The following NKAIN2 variants were observed in gnomAD, a reference collection of about 807,000 sequenced individuals.
NKAIN2 encodes sodium/potassium transporting ATPase interacting 2.
Under a neutral mutation model 32.6 loss-of-function variants are expected in NKAIN2, and 14 were observed. The ratio of observed to expected loss-of-function variants is 0.43; its 90% CI spans 0.28 to 0.67. The LOEUF is 0.67. Ranked by LOEUF, NKAIN2 falls within the 30% of genes least tolerant of loss-of-function variation. The pLI, the probability that NKAIN2 is intolerant of heterozygous loss-of-function variation, is 0.17. For missense variants in NKAIN2, 198 were observed against 258.3 expected, an observed-to-expected ratio of 0.77 and a Z score of 1.60; for synonymous variants, 80 against 87.2, an observed-to-expected ratio of 0.92 and a Z score of 0.46.
intron 1 of NKAIN2, among the ~76,000 whole-genome samples, chr6:123,807,478 CA>C (rs1773267277): frequency 6.6e-6 from 1 of 152,066 alleles, no homozygotes; most frequent in African/African-American, 2.4e-5. Context: ...ATCATCACTG[CA>C]TTTGCAATGG....
intron 3 of NKAIN2, among the ~76,000 whole-genome samples, chr6:124,573,833 C>T (rs1020547091): frequency 3.3e-5 from 5 of 152,102 alleles, no homozygotes; most frequent in African/African-American, 1.2e-4. Context: ...CACTCAAATC[C>T]TCTGAGAGTG....
chr6:123,887,298 A>G (rs925046534), intron 1 of NKAIN2, among the ~76,000 whole-genome samples: 12 of 152,114 alleles, frequency 7.9e-5, no homozygotes, highest in African/African-American at 2.7e-4. Flanking sequence ...CTACACTCAG[A>G]TATGACATGC....
intron 4 of NKAIN2, among the ~76,000 whole-genome samples, chr6:124,666,574 A>G (rs1772807297): frequency 6.6e-6 from 1 of 152,206 alleles, no homozygotes; most frequent in South Asian, 2.1e-4. Flanking sequence ...GGAGTGTAAC[A>G]CCTTGATTGT....
At chr6:124,134,119 G>T (rs1237211257) in intron 1 of NKAIN2, among the ~76,000 whole-genome samples, 1 of 95,618 alleles carries the variant, frequency 1.0e-5, no homozygotes, top group African/African-American at 3.5e-5. Context: ...CCAACTAAAA[G>T]AAATTAAAAA....
At chr6:123,939,824 C>A (rs901196630) in intron 1 of NKAIN2, among the ~76,000 whole-genome samples, 1 of 151,790 alleles carries the variant, frequency 6.6e-6, no homozygotes, top group African/African-American at 2.4e-5. Context: ...CCAGTTATTG[C>A]AAGTGTGTGT....
At position 124,824,275 on chromosome 6, in the gene NKAIN2, T is replaced by C. The variant is rs564838931; in HGVS notation, c.*1046T>C. 4.6e-5 allele frequency: 7 copies of C among 152,776 alleles called. No individual in the cohort carries two copies. Among genetic ancestry groups the C allele is most frequent in the African/African-American group, 1.4e-4 (6 of 41,586 alleles). 9.5% of individuals were successfully genotyped at this position (152,776 alleles called of 1,614,324 possible). A position where few individuals can be genotyped will look rare whatever the true frequency, so the allele number is the denominator to read the frequency against. ...CAACTGAATATGTATTAGCTATGTT[T>C]ACTCTTTTATATCTAATTCAAATTG... On this transcript the variant is annotated 3_prime_UTR_variant, in exon 7 of 7. Transcript: ENST00000368417.
At chr6:124,292,390 T>A (rs1795854765) in intron 2 of NKAIN2, among the ~76,000 whole-genome samples, 1 of 152,196 alleles carries the variant, frequency 6.6e-6, no homozygotes, top group Non-Finnish European at 1.5e-5. Context: ...TTGTTGCTAA[T>A]GTTTTATTAC....
intron 1 of NKAIN2, among the ~76,000 whole-genome samples, chr6:123,839,671 C>G (rs544388381): frequency 5.9e-5 from 9 of 152,242 alleles, no homozygotes; most frequent in Non-Finnish European, 1.3e-4. Context: ...TTGAGGTTAG[C>G]TAGTAGCATA....
At chr6:124,815,027 A>G (rs1466710817) in intron 5 of NKAIN2, among the ~76,000 whole-genome samples, 1 of 151,688 alleles carries the variant, frequency 6.6e-6, no homozygotes, top group African/African-American at 2.4e-5. Flanking sequence ...ATCTTGATCT[A>G]TTGTAACCCA....
Position 123,966,609 on chromosome 6 carries a change from G to A in NKAIN2, c.54+162355G>A, listed in dbSNP as rs111322328. 1.3e-3 allele frequency among the ~76,000 whole-genome samples: 203 copies of A among 152,232 alleles called. 1 individual carries two copies. The highest frequency in any genetic ancestry group is 4.7e-3 in the African/African-American group (194 of 41,558). ...TTTCCAAGGAAAAGAGCTTACAAAT[G>A]GATTTTGTTAAGAAGTGGTAGGAAA... On this transcript the variant is annotated intron_variant, in intron 1 of 6. Coordinates refer to ENST00000368417, the MANE Select transcript of NKAIN2 (RefSeq NM_001040214.3).
intron 2 of NKAIN2, among the ~76,000 whole-genome samples, chr6:124,333,477 T>C (rs1184722898): frequency 1.3e-5 from 2 of 151,920 alleles, no homozygotes; most frequent in Non-Finnish European, 2.9e-5. Context: ...CTGGCCAACA[T>C]GATGAAAACC....
intron 3 of NKAIN2, among the ~76,000 whole-genome samples, chr6:124,450,442 A>T (rs1441327487): frequency 6.6e-6 from 1 of 151,946 alleles, no homozygotes; most frequent in Non-Finnish European, 1.5e-5. Context: ...TTGATATTCA[A>T]GTATTTATAA....
In NKAIN2 at chr6:123,811,841, A is replaced by G. The variant is rs181090996; in HGVS notation, c.54+7587A>G. On this transcript the variant is annotated intron_variant, in intron 1 of 6. Transcript: ENST00000368417. ...CCACCCATAAATTTTGTGAGGCTTT[A>G]TAAATAATTAAAACACTAGGTACAG... is the stretch of plus-strand genomic sequence containing the variant. 7.9e-3 allele frequency among the ~76,000 whole-genome samples: 1,196 copies of G among 152,228 alleles called. 35 individuals carry two copies. Among genetic ancestry groups the G allele is most frequent in the Non-Finnish European group, 4.1e-3 (276 of 68,018 alleles).
intron 1 of NKAIN2, among the ~76,000 whole-genome samples, chr6:124,109,473 T>G (rs1334166316): frequency 1.3e-5 from 2 of 152,108 alleles, no homozygotes; most frequent in Non-Finnish European, 2.9e-5. Context: ...TAAGATCATT[T>G]GTCTATGTGT....
chr6:123,823,151 C>T (rs1216293426), intron 1 of NKAIN2: 3 of 152,136 alleles, frequency 2.0e-5, no homozygotes, highest in Admixed American at 6.6e-5. Flanking sequence ...AGGATAATAG[C>T]TACAACAAAT....
intron 1 of NKAIN2, among the ~76,000 whole-genome samples, chr6:123,845,886 T>G (rs2114945322): frequency 6.6e-6 from 1 of 152,326 alleles, no homozygotes; most frequent in South Asian, 2.1e-4. Context: ...TGAGTTTCTA[T>G]TATTCATCTA....
In NKAIN2 at chr6:124,519,590, C is replaced by T. The variant is rs770593022; in HGVS notation, c.274-138596C>T. Among the ~76,000 whole-genome samples the T allele has an allele frequency of 3.3e-5, 5 of 152,078 alleles. No homozygotes were observed. In the East Asian group the frequency reaches 7.7e-4, roughly 23 times the overall value. On this transcript the variant is annotated intron_variant, in intron 3 of 6. Transcript: ENST00000368417. ...AAGCAACTCAAAATTTCCAAGTGAG[C>T]GTAATCATCCCTACAGATTTTGAAA... is the stretch of plus-strand genomic sequence containing the variant.
chr6:124,297,299 T>C (rs1372360804), intron 2 of NKAIN2, among the ~76,000 whole-genome samples: 1 of 152,222 alleles, frequency 6.6e-6, no homozygotes, highest in South Asian at 2.1e-4. Context: ...ATTTCATTTC[T>C]GATATGTGTT....
chr6:124,029,315 C>T (rs1052930416), intron 1 of NKAIN2, among the ~76,000 whole-genome samples: 4 of 151,136 alleles, frequency 2.6e-5, no homozygotes, highest in African/African-American at 9.7e-5. Flanking sequence ...AGTCAATAAT[C>T]ATATTCATAC....
Sources: allele counts gnomAD v4.1 joint callset (sites outside exome capture counted in the v4.1 genomes callset), GRCh38; gene constraint gnomAD v4.1.1; transcripts MANE v1.5; gene names NCBI Gene and HGNC (gene_info 2026-07-23, HGNC 2026-07-21).